Variants in RARS1 observed in about 807,000 individuals in gnomAD.
The protein encoded by RARS1 is arginine--tRNA ligase, cytoplasmic.
A neutral mutation model predicts 78.7 loss-of-function variants in RARS1; 75 were observed. The observed-to-expected ratio is 0.95, with a 90% CI of 0.79 to 1.15. RARS1 has a LOEUF of 1.15. RARS1 is among the 50% of genes most tolerant of loss of function. RARS1 has a pLI of 0.00. For synonymous variants in RARS1, 273 were observed against 268.2 expected (o/e 1.02, Z -0.18); for missense variants, 787 against 787.5 (o/e 1.00, Z 0.01).
rs371029167 is a variant in RARS1 at position 168,501,494 on chromosome 5, G to A, written c.953-507G>A. On this transcript the variant is annotated intron_variant, in intron 8 of 14. Coordinates refer to ENST00000231572, the MANE Select transcript of RARS1 (RefSeq NM_002887.4). ...AAAGTAAATGTTGGGAGGCCGAGGC[G>A]GGTGGATCACCTGAGATCAGGAGTT... Among the ~76,000 whole-genome samples the A allele has an allele frequency of 7.0e-4, 107 of 152,234 alleles. 1 individual carries two copies. The highest frequency in any genetic ancestry group is 2.3e-3 in the African/African-American group (97 of 41,532).
chr5:168,501,459 C>G (rs1214582167), intron 8 of RARS1, among the ~76,000 whole-genome samples: 1 of 151,904 alleles, frequency 6.6e-6, no homozygotes, highest in African/African-American at 2.4e-5. Flanking sequence ...GGACATGTTC[C>G]TTATATAAAA....
Position 168,486,513 on chromosome 5 carries a change from G to T in RARS1, c.15G>T (p.Val5=), listed in dbSNP as rs2152902913. MDVL[V]SECSARLLQQ... ...CTGATGGGAGGATGGACGTACTGGT[G>T]TCTGAGTGCTCCGCGCGGCTGCTGC... The change falls in exon 1 of 15, where the codon GTG becomes GTT. Residue 5 remains valine, a synonymous_variant. Coordinates refer to ENST00000231572, the MANE Select transcript of RARS1 (RefSeq NM_002887.4). The T allele has an allele frequency of 6.4e-7, 1 of 1,559,240 alleles. No homozygotes were observed. The highest frequency in any genetic ancestry group is 8.7e-7 in the Non-Finnish European group (1 of 1,150,690).
intron 12 of RARS1, among the ~76,000 whole-genome samples, chr5:168,513,423 A>G (rs1016484782): frequency 6.2e-5 from 9 of 144,420 alleles, no homozygotes; most frequent in Non-Finnish European, 1.4e-4. Flanking sequence ...GGGTTCAAGC[A>G]GTTCTCCTGC....
At chr5:168,494,749 A>T in intron 5 of RARS1, 99 bp downstream of exon 5, 1 of 857,318 alleles carries the variant, frequency 1.2e-6, no homozygotes, top group Non-Finnish European at 1.9e-6. Context: ...TGGGAGGCTG[A>T]AGCAGGAGGA....
Position 168,508,513 on chromosome 5 carries a change from G to A in RARS1, c.1346+1682G>A, listed in dbSNP as rs1228174900. Among the ~76,000 whole-genome samples, 5 of 151,170 alleles carry A rather than the reference G, an allele frequency of 3.3e-5. No homozygotes were observed. The South Asian group carries it at 8.4e-4, about 25-fold the overall frequency. On this transcript the variant is annotated intron_variant, in intron 11 of 14. Transcript: ENST00000231572. ...TGGGCGCCTGTAGTCCCAGTTACTC[G>A]GGAGGCTGAGGCAGGAGAATGGTGT...
At position 168,506,747 on chromosome 5, in the gene RARS1, C is replaced by G; in HGVS notation, c.1262C>G (p.Ala421Gly). Residue 421 changes from alanine to glycine, a missense_variant, in exon 11 of 15, where the codon GCT becomes GGT. By Grantham distance (60) the Ala-to-Gly change is moderately conservative (BLOSUM62 0). Transcript: ENST00000231572. Reference sequence around the variant, plus strand: ...TCTGTGCACTTCCAGACAATATTTGCTGCTGCTCAAATGATTGGTTGGTAT... The same window carrying G: ...TCTGTGCACTTCCAGACAATATTTGGTGCTGCTCAAATGATTGGTTGGTAT... ...GQSVHFQTIF[A>G]AAQMIGWYDP... is the part of the protein sequence containing the mutation. 1 of 1,613,404 alleles carries G rather than the reference C, an allele frequency of 6.2e-7. No individual in the cohort carries two copies. The highest frequency in any genetic ancestry group is 8.5e-7 in the Non-Finnish European group (1 of 1,179,560).
chr5:168,517,903 T>C lies in RARS1; in HGVS notation c.1714T>C (p.Trp572Arg). Residue 572 changes from tryptophan (W) to arginine (R), a missense_variant, in exon 14 of 15, where the codon TGG becomes CGG. Trp to Arg is a moderately radical substitution (Grantham distance 101). Transcript: ENST00000231572. ...TKILLDHEKE[W>R]KLGRCILRFP... ...GATTCTTTTGGATCATGAGAAGGAA[T>C]GGAAACTAGGCCGGTGCATTTTACG... The C allele has an allele frequency of 1.2e-6, 2 of 1,613,748 alleles. No individual in the cohort carries two copies. The highest frequency in any genetic ancestry group is 2.7e-5 in the African/African-American group (2 of 74,876).
intron 11 of RARS1, 91 bp from the exon 12 acceptor site, chr5:168,510,490 T>C: frequency 1.1e-6 from 1 of 886,650 alleles, no homozygotes; most frequent in East Asian, 2.6e-5. Flanking sequence ...TGTTGCAGTT[T>C]TGTGGTCAGG....
chr5:168,494,652 T>C lies in RARS1; in HGVS notation c.579+2T>C. 1 of 1,540,298 alleles carries C rather than the reference T, an allele frequency of 6.5e-7. No individual in the cohort carries two copies. The highest frequency in any genetic ancestry group is 2.2e-5 in the East Asian group (1 of 44,472). ...CCTGCTCTGGGAGAGAATAAAAAGG[T>C]ATATGTACACTCTTCTATTAATATA... is the stretch of plus-strand genomic sequence containing the variant. On this transcript the variant is annotated splice_donor_variant, in intron 5 of 14. Transcript: ENST00000231572. LOFTEE classifies it high-confidence loss of function.
At chr5:168,493,710 C>T (rs1758129539) in intron 3 of RARS1, among the ~76,000 whole-genome samples, 184 bp from the exon 4 acceptor site, 1 of 151,368 alleles carries the variant, frequency 6.6e-6, no homozygotes, top group Admixed American at 6.6e-5. Context: ...GTAGTGTGGG[C>T]ACTTTCTATG....
At chr5:168,516,689 T>C in intron 12 of RARS1, 89 bp from the exon 13 acceptor site, 1 of 1,277,328 alleles carries the variant, frequency 7.8e-7, no homozygotes, top group African/African-American at 1.5e-5. Context: ...TACCATTAGA[T>C]GTTCCCTACC....
chr5:168,487,971 G>A (rs1287380719), intron 1 of RARS1, among the ~76,000 whole-genome samples: 1 of 152,104 alleles, frequency 6.6e-6, no homozygotes, highest in Admixed American at 6.5e-5. Context: ...ATAAAAGCAG[G>A]TTGGTCAACC....
At position 168,517,980 on chromosome 5, in the gene RARS1, C is replaced by G. The variant is rs371444060; in HGVS notation, c.1791C>G (p.Leu597=). 3 of 1,605,288 alleles carry G rather than the reference C, an allele frequency of 1.9e-6. No individual in the cohort carries two copies. Among genetic ancestry groups the G allele is most frequent in the South Asian group, 1.1e-5 (1 of 90,910 alleles). Residue 597 remains leucine (L), a synonymous_variant, in exon 14 of 15, where the codon CTC becomes CTG. Transcript: ENST00000231572. ...TAGATGACTTATTTCTCCACACTCT[C>G]TGTGATTATATATATGAGCTGGCAA... ...KILDDLFLHT[L]CDYIYELATA... is the part of the protein sequence containing the mutation.
chr5:168,508,936 G>A lies in RARS1; in HGVS notation c.1347-1645G>A, dbSNP rs546420877. ...CTGTGGAGCTTGTGAAAATACACAT[G>A]CAAGCCCCACTGTGGGAGTTACTGA... is the stretch of plus-strand genomic sequence containing the variant. On this transcript the variant is annotated intron_variant, in intron 11 of 14. Transcript: ENST00000231572. 1.1e-4 allele frequency among the ~76,000 whole-genome samples: 16 copies of A among 152,012 alleles called. 1 individual carries two copies. Among genetic ancestry groups the A allele is most frequent in the Non-Finnish European group, 2.1e-4 (14 of 68,024 alleles).
At chr5:168,513,500 T>G (rs1216041145) in intron 12 of RARS1, among the ~76,000 whole-genome samples, 1 of 152,014 alleles carries the variant, frequency 6.6e-6, no homozygotes, top group African/African-American at 2.4e-5. Context: ...TTGTATTGTT[T>G]TTAGAGATGA....
At chr5:168,508,284 A>G (rs1758490509) in intron 11 of RARS1, among the ~76,000 whole-genome samples, 1 of 150,854 alleles carries the variant, frequency 6.6e-6, no homozygotes, top group Non-Finnish European at 1.5e-5. Flanking sequence ...ACTCAGCAGC[A>G]TGTAGTTATA....
In RARS1 at chr5:168,510,634, G is replaced by C. The variant is rs1758544737; in HGVS notation, c.1400G>C (p.Gly467Ala). 2 of 1,611,094 alleles carry C rather than the reference G, an allele frequency of 1.2e-6. No individual in the cohort carries two copies. Among genetic ancestry groups the C allele is most frequent in the African/African-American group, 2.7e-5 (2 of 74,702 alleles). Reference protein sequence around the residue: ...GETVRLMDLLGEGLKRSMDKL... With the variant: ...GETVRLMDLLAEGLKRSMDKL... ...ACAGTGCGCCTCATGGATCTTCTGG[G>C]AGAAGGACTAAAACGATCCATGGAC... Residue 467 changes from glycine to alanine, a missense_variant, in exon 12 of 15, where the codon GGA becomes GCA. By Grantham distance (60) the Gly-to-Ala change is moderately conservative. Coordinates refer to ENST00000231572, the MANE Select transcript of RARS1 (RefSeq NM_002887.4).
chr5:168,495,289 A>G (rs1230343563), intron 5 of RARS1, 26 bp from the exon 6 acceptor site: 2 of 1,609,602 alleles, frequency 1.2e-6, no homozygotes, highest in East Asian at 2.2e-5. Flanking sequence ...CCCTCTTAAC[A>G]GCCTTTCTCT....
intron 12 of RARS1, among the ~76,000 whole-genome samples, chr5:168,512,050 A>C (rs1307939154): frequency 6.6e-6 from 1 of 151,990 alleles, no homozygotes; most frequent in Non-Finnish European, 1.5e-5. Flanking sequence ...TTTTTTGTAG[A>C]GATGGAGTTT....
Sources: allele counts gnomAD v4.1 joint callset (sites outside exome capture counted in the v4.1 genomes callset), GRCh38; gene constraint gnomAD v4.1.1; transcripts MANE v1.5; gene names NCBI Gene and HGNC (gene_info 2026-07-23, HGNC 2026-07-21).